UBR7: variants seen among roughly 807,000 people sequenced by gnomAD.
The protein encoded by UBR7 is putative E3 ubiquitin-protein ligase UBR7.
Under a neutral mutation model 57.0 loss-of-function variants are expected in UBR7, and 22 were observed. The ratio of observed to expected loss-of-function variants is 0.39; its 90% CI spans 0.28 to 0.55. The LOEUF is 0.55. Ranked by LOEUF, UBR7 falls within the 20% of genes least tolerant of loss-of-function variation. The pLI is 0.69. For missense variants in UBR7, 395 were observed against 513.2 expected, an observed-to-expected ratio of 0.77 and a Z score of 2.23; for synonymous variants, 167 against 179.8, an observed-to-expected ratio of 0.93 and a Z score of 0.57.
Position 93,228,189 on chromosome 14 carries a change from C to A in UBR7, c.*1154C>A, listed in dbSNP as rs1894904737. 3.8e-6 allele frequency: 2 copies of A among 533,192 alleles called. No individual in the cohort carries two copies. The highest frequency in any genetic ancestry group is 7.2e-6 in the Non-Finnish European group (2 of 278,900). 33.0% of individuals were successfully genotyped at this position (533,192 alleles called of 1,614,324 possible). ...GCCACTTCCCTAACGACTATGAGATCTTTTTTTTGAAGATCCTCATGGAAG... is the reference window on the plus strand; with the variant it reads ...GCCACTTCCCTAACGACTATGAGATATTTTTTTTGAAGATCCTCATGGAAG... On this transcript the variant is annotated 3_prime_UTR_variant, in exon 11 of 11. Coordinates refer to ENST00000013070, the MANE Select transcript of UBR7 (RefSeq NM_175748.4).
chr14:93,209,751 T>C lies in UBR7; in HGVS notation c.151-73T>C. 5 of 1,539,672 alleles carry C rather than the reference T, an allele frequency of 3.2e-6. No homozygotes were observed. In the East Asian group the frequency reaches 6.9e-5, roughly 21 times the overall value. ...CAGATAATCTGATTTTAATTATTTT[T>C]CAGTTCCTAGTGTGGGTATTAGGTA... On this transcript the variant is annotated intron_variant, in intron 1 of 10. Transcript: ENST00000013070.
At chr14:93,211,738 C>G (rs1894488952) in intron 3 of UBR7, among the ~76,000 whole-genome samples, 1 of 151,746 alleles carries the variant, frequency 6.6e-6, no homozygotes, top group Non-Finnish European at 1.5e-5. Flanking sequence ...TATCAGTTCA[C>G]ATAGATTGAT....
At chr14:93,223,455 T>G in intron 10 of UBR7, 1 of 505,092 alleles carries the variant, frequency 2.0e-6, no homozygotes, top group Non-Finnish European at 3.5e-6. Flanking sequence ...TTCAGCTACT[T>G]GGGAGGCTGG....
intron 9 of UBR7, 93 bp from the exon 10 acceptor site, chr14:93,222,220 A>T: frequency 3.5e-6 from 3 of 867,196 alleles, no homozygotes; most frequent in East Asian, 5.2e-5. Context: ...AGACTACATT[A>T]TTAACAGACT....
At chr14:93,218,230 C>T (rs998966319) in intron 6 of UBR7, among the ~76,000 whole-genome samples, 3 of 151,552 alleles carry the variant, frequency 2.0e-5, no homozygotes, top group African/African-American at 7.3e-5. Flanking sequence ...GCCAACATGG[C>T]GAAACCCCGT....
chr14:93,221,025 A>G (rs1195129583), intron 9 of UBR7, among the ~76,000 whole-genome samples: 1 of 152,020 alleles, frequency 6.6e-6, no homozygotes, highest in African/African-American at 2.4e-5. Context: ...AGCTCACTGC[A>G]ACCTCTGCTG....
intron 6 of UBR7, among the ~76,000 whole-genome samples, chr14:93,216,706 C>G (rs1177678939): frequency 2.6e-5 from 4 of 151,866 alleles, no homozygotes; most frequent in South Asian, 2.1e-4. Flanking sequence ...ACCTTGCCTC[C>G]TGGGTTCAAG....
chr14:93,208,034 C>T lies in UBR7; in HGVS notation c.150+593C>T, dbSNP rs540949527. 3.3e-5 allele frequency among the ~76,000 whole-genome samples: 5 copies of T among 152,072 alleles called. No homozygotes were observed. In the South Asian group the frequency reaches 1.0e-3, roughly 32 times the overall value. ...CTGCCCCCCTCCCCTGGAAATAGAC[C>T]GGAAACAGAACAGCAAGTGGCTCTG... On this transcript the variant is annotated intron_variant, in intron 1 of 10. Coordinates refer to ENST00000013070, the MANE Select transcript of UBR7 (RefSeq NM_175748.4).
At chr14:93,223,267 G>T (rs1322487473) in intron 10 of UBR7, among the ~76,000 whole-genome samples, 1 of 151,942 alleles carries the variant, frequency 6.6e-6, no homozygotes, top group Non-Finnish European at 1.5e-5. Flanking sequence ...ATGAGGGCGG[G>T]TGCCTGTAAT....
chr14:93,224,227 G>C (rs1894783910), intron 10 of UBR7: 2 of 503,054 alleles, frequency 4.0e-6, no homozygotes, highest in Non-Finnish European at 7.1e-6. Flanking sequence ...TTAACTGCCT[G>C]AATTTCTGGA....
Position 93,227,189 on chromosome 14 carries a change from C to T in UBR7, c.*154C>T, listed in dbSNP as rs966091809. The T allele has an allele frequency of 7.7e-6, 5 of 648,960 alleles. No homozygotes were observed. Among genetic ancestry groups the T allele is most frequent in the African/African-American group, 5.4e-5 (3 of 55,874 alleles). The allele number at this position is 648,960 out of a possible 1,614,324, so 40.2% of individuals were successfully genotyped here. ...CATTCTCTTTAGCTGCAGTAGCCAC[C>T]GTGTGGATGCTGACTTCACAGCCAG... On this transcript the variant is annotated 3_prime_UTR_variant, in exon 11 of 11. Coordinates refer to ENST00000013070, the MANE Select transcript of UBR7 (RefSeq NM_175748.4).
chr14:93,219,973 C>CA (rs11442565), intron 8 of UBR7, among the ~76,000 whole-genome samples: 51,473 of 142,234 alleles, frequency 0.36, 9,425 homozygotes, highest in African/African-American at 0.46. Flanking sequence ...AACTCCATCT[C>CA]AAAAAAAAAA....
At chr14:93,215,063 TA>T in intron 5 of UBR7, 81 bp downstream of exon 5, 1 of 1,432,568 alleles carries the variant, frequency 7.0e-7, no homozygotes, top group Non-Finnish European at 9.7e-7. Context: ...ATTAGTCTTC[TA>T]AAAATAAATT....
At position 93,228,692 on chromosome 14, in the gene UBR7, T is replaced by A. The variant is rs560899145; in HGVS notation, c.*1657T>A. 1 of 454,150 alleles carries A rather than the reference T, an allele frequency of 2.2e-6. No homozygotes were observed. The highest frequency in any genetic ancestry group is 1.6e-5 in the South Asian group (1 of 64,480). 28.1% of individuals were successfully genotyped at this position (454,150 alleles called of 1,614,324 possible). A position where few individuals can be genotyped will look rare whatever the true frequency, so the allele number is the denominator to read the frequency against. ...GGCTCGGGGTGTCTTTGAGGTTGTTTATCAAGCTGGGGAACTCTTCCAAGT... is the reference window on the plus strand; with the variant it reads ...GGCTCGGGGTGTCTTTGAGGTTGTTAATCAAGCTGGGGAACTCTTCCAAGT... On this transcript the variant is annotated 3_prime_UTR_variant, in exon 11 of 11. Coordinates refer to ENST00000013070, the MANE Select transcript of UBR7 (RefSeq NM_175748.4).
At chr14:93,210,097 ATTTT>A in intron 2 of UBR7, 140 bp downstream of exon 2, 1 of 601,696 alleles carries the variant, frequency 1.7e-6, no homozygotes, top group East Asian at 4.0e-5. Context: ...TTATTTATTT[ATTTT>A]GAGACGGAGT....
At chr14:93,207,571 C>G in intron 1 of UBR7, 130 bp downstream of exon 1, 1 of 1,270,022 alleles carries the variant, frequency 7.9e-7, no homozygotes, top group East Asian at 2.6e-5. Flanking sequence ...GTTAGTCTGC[C>G]GCTTCCTCAC....
chr14:93,219,081 A>G, intron 7 of UBR7, 131 bp from the exon 8 acceptor site: 1 of 1,118,920 alleles, frequency 8.9e-7, no homozygotes, highest in Non-Finnish European at 1.3e-6. Flanking sequence ...ACTGAAGTGG[A>G]ATTAATTCTG....
rs762508932 is a variant in UBR7, at chr14:93,227,259, C to T, written c.*224C>T. The T allele has an allele frequency of 8.1e-6, 5 of 616,756 alleles. No individual in the cohort carries two copies. The East Asian group carries it at 1.7e-4, about 21-fold the overall frequency. The allele number at this position is 616,756 out of a possible 1,614,324, so 38.2% of individuals were successfully genotyped here. On this transcript the variant is annotated 3_prime_UTR_variant, in exon 11 of 11. Coordinates refer to ENST00000013070, the MANE Select transcript of UBR7 (RefSeq NM_175748.4). ...GATGCAGCTCATTCCACAGACTTCT[C>T]CAGTGTACTCCTACTCCAGTGCACC...
intron 10 of UBR7, among the ~76,000 whole-genome samples, chr14:93,224,372 CTTTTTTTTTTT>C (rs761189322): frequency 3.2e-5 from 3 of 93,788 alleles, no homozygotes; most frequent in Admixed American, 2.4e-4. Flanking sequence ...CCTTACAGTT[CTTTTTTTTTTT>C]TTTTTTTTTT....
Sources: allele counts gnomAD v4.1 joint callset (sites outside exome capture counted in the v4.1 genomes callset), GRCh38; gene constraint gnomAD v4.1.1; transcripts MANE v1.5; gene names NCBI Gene and HGNC (gene_info 2026-07-23, HGNC 2026-07-21).